The following IL1RAPL2 variants were observed in gnomAD, a reference collection of about 807,000 sequenced individuals.
IL1RAPL2 encodes the protein X-linked interleukin-1 receptor accessory protein-like 2.
In IL1RAPL2, 3 loss-of-function variants were observed where a neutral mutation model predicts 44.1. The ratio of observed to expected loss-of-function variants is 0.07; its 90% confidence interval spans 0.03 to 0.18. IL1RAPL2 has a LOEUF of 0.18. IL1RAPL2 is among the 10% of genes least tolerant of loss of function. The pLI is 1.00. For synonymous variants in IL1RAPL2, 181 were observed against 178.8 expected, an observed-to-expected ratio of 1.01 and a Z score of -0.10; for missense variants, 391 against 496.4, an observed-to-expected ratio of 0.79 and a Z score of 2.02.
intron 5 of IL1RAPL2, among the ~76,000 whole-genome samples, chrX:105,416,965 C>G (rs2035737630): frequency 8.9e-6 from 1 of 112,122 alleles, no homozygotes; most frequent in South Asian, 3.7e-4. Context: ...TGTTCTTGTC[C>G]CCTATTCCAT....
At chrX:105,111,252 A>T (rs972371923) in intron 2 of IL1RAPL2, among the ~76,000 whole-genome samples, 1 of 112,045 alleles carries the variant, frequency 8.9e-6, no homozygotes. Flanking sequence ...TGGTTTTAAT[A>T]GGATGTAATT....
At chrX:105,469,384 T>C (rs2147769880) in intron 5 of IL1RAPL2, among the ~76,000 whole-genome samples, 1 of 110,727 alleles carries the variant, frequency 9.0e-6, no homozygotes, top group Non-Finnish European at 1.9e-5. Flanking sequence ...ATAGAAGGTG[T>C]ATTGGGTTTA....
intron 2 of IL1RAPL2, among the ~76,000 whole-genome samples, chrX:105,187,984 A>G (rs1210355352): frequency 8.9e-6 from 1 of 111,812 alleles, no homozygotes; most frequent in Non-Finnish European, 1.9e-5. Flanking sequence ...TATATATACA[A>G]TTTTATTTGT....
chrX:105,669,348 G>A (rs1158566018), intron 6 of IL1RAPL2, among the ~76,000 whole-genome samples: 1 of 111,281 alleles, frequency 9.0e-6, no homozygotes, highest in African/African-American at 3.3e-5. Flanking sequence ...CCCAAAGGAT[G>A]TGAAAGGGGT....
At position 104,676,344 on chromosome X, in the gene IL1RAPL2, C is replaced by T. The variant is rs764165069; in HGVS notation, c.82+17349C>T. Reference sequence around the variant, plus strand: ...TGCTTGTCTGTAAAGGATTTTATTTCTCCTTCACTTATGAAGCTTAGTTTG... The same window carrying T: ...TGCTTGTCTGTAAAGGATTTTATTTTTCCTTCACTTATGAAGCTTAGTTTG... On this transcript the variant is annotated intron_variant, in intron 2 of 10. Coordinates refer to ENST00000372582, the MANE Select transcript of IL1RAPL2 (RefSeq NM_017416.2). Among the ~76,000 whole-genome samples, 11 of 111,088 alleles carry T rather than the reference C, an allele frequency of 9.9e-5. No homozygotes were observed. The South Asian group carries it at 4.2e-3, about 42-fold the overall frequency.
chrX:105,279,310 T>A (rs1343371647), intron 5 of IL1RAPL2, among the ~76,000 whole-genome samples: 1 of 111,356 alleles, frequency 9.0e-6, no homozygotes, highest in East Asian at 2.8e-4. Context: ...TTTAAGTAAT[T>A]TTTTTCTCAA....
chrX:105,280,615 G>A (rs1205697580), intron 5 of IL1RAPL2, among the ~76,000 whole-genome samples: 10 of 111,274 alleles, frequency 9.0e-5, no homozygotes, highest in African/African-American at 3.3e-4. Flanking sequence ...GTTGGCAAAG[G>A]ATATGAACAG....
intron 10 of IL1RAPL2, among the ~76,000 whole-genome samples, chrX:105,761,447 T>C (rs2038687730): frequency 9.0e-6 from 1 of 111,584 alleles, no homozygotes; most frequent in Admixed American, 9.5e-5. Flanking sequence ...ATAGTATTTT[T>C]AGTGATATAA....
At chrX:105,505,335 G>A (rs972603365) in intron 6 of IL1RAPL2, among the ~76,000 whole-genome samples, 3 of 111,616 alleles carry the variant, frequency 2.7e-5, no homozygotes, top group Non-Finnish European at 5.7e-5. Context: ...AGGGGAGACA[G>A]AGATTAAATA....
intron 2 of IL1RAPL2, among the ~76,000 whole-genome samples, chrX:104,789,122 C>T (rs915512218): frequency 3.6e-5 from 4 of 111,982 alleles, no homozygotes; most frequent in African/African-American, 1.3e-4. Flanking sequence ...AAAATTGGAA[C>T]CACAAATCTT....
At chrX:104,607,551 C>T (rs933248630) in intron 1 of IL1RAPL2, among the ~76,000 whole-genome samples, 3 of 111,680 alleles carry the variant, frequency 2.7e-5, no homozygotes, top group African/African-American at 9.7e-5. Context: ...AATAAAACAA[C>T]CCCATCAAAA....
intron 2 of IL1RAPL2, among the ~76,000 whole-genome samples, chrX:104,731,824 C>T (rs1164754487): frequency 9.0e-6 from 1 of 111,638 alleles, no homozygotes; most frequent in African/African-American, 3.3e-5. Context: ...CCAATAATTA[C>T]AGAAAATATT....
intron 6 of IL1RAPL2, among the ~76,000 whole-genome samples, chrX:105,526,204 T>C (rs1315132547): frequency 9.5e-6 from 1 of 105,323 alleles, no homozygotes; most frequent in Non-Finnish European, 1.9e-5. Context: ...TTTCTTATTT[T>C]TCATAGTTTT....
intron 5 of IL1RAPL2, among the ~76,000 whole-genome samples, chrX:105,407,236 G>T (rs1222604923): frequency 1.8e-5 from 2 of 110,344 alleles, no homozygotes; most frequent in Non-Finnish European, 3.8e-5. Context: ...TCCATATTCT[G>T]ATTTTTAACA....
At chrX:105,516,561 A>T (rs759175223) in intron 6 of IL1RAPL2, among the ~76,000 whole-genome samples, 1 of 111,873 alleles carries the variant, frequency 8.9e-6, no homozygotes, top group Admixed American at 9.5e-5. Context: ...TTGCATATAT[A>T]TTTTTGTGCA....
chrX:105,462,045 A>G (rs997332198), intron 5 of IL1RAPL2, among the ~76,000 whole-genome samples: 6 of 111,116 alleles, frequency 5.4e-5, no homozygotes, highest in Admixed American at 9.6e-5. Flanking sequence ...GGTTTGCACA[A>G]TCCTTCCTCC....
chrX:104,608,507 T>C (rs1929069176), intron 1 of IL1RAPL2, among the ~76,000 whole-genome samples: 1 of 110,790 alleles, frequency 9.0e-6, no homozygotes, highest in African/African-American at 3.3e-5. Flanking sequence ...ACTTTATGAA[T>C]CTGGGTGCTC....
At chrX:104,703,138 C>G (rs1171931735) in intron 2 of IL1RAPL2, among the ~76,000 whole-genome samples, 2 of 111,338 alleles carry the variant, frequency 1.8e-5, no homozygotes, top group Non-Finnish European at 3.8e-5. Flanking sequence ...GGATGCTGGT[C>G]TAGCCTAGGA....
At chrX:105,238,582 T>C (rs2075334644) in intron 4 of IL1RAPL2, among the ~76,000 whole-genome samples, 1 of 110,555 alleles carries the variant, frequency 9.0e-6, no homozygotes, top group African/African-American at 3.3e-5. Context: ...CAAAACCCAG[T>C]CTGTTCTAGG....
Sources: allele counts gnomAD v4.1 joint callset (sites outside exome capture counted in the v4.1 genomes callset), GRCh38; gene constraint gnomAD v4.1.1; transcripts MANE v1.5; gene names NCBI Gene and HGNC (gene_info 2026-07-23, HGNC 2026-07-21).